Variants in CTCF observed in about 807,000 individuals in gnomAD.
CTCF encodes CCCTC-binding factor, also known as transcriptional repressor CTCF.
A neutral mutation model predicts 72.3 loss-of-function variants in CTCF; 7 were observed. That is an observed-to-expected ratio of 0.10 (90% CI 0.06 to 0.18). The LOEUF (loss-of-function observed/expected upper bound fraction) is 0.18, where lower values mean the gene tolerates loss of function less well. Ranked by LOEUF, CTCF falls within the 10% of genes least tolerant of loss-of-function variation. CTCF has a pLI of 1.00. For synonymous variants in CTCF, 374 were observed against 315.8 expected, an observed-to-expected ratio of 1.18 and a Z score of -1.95; for missense variants, 516 against 949.1, an observed-to-expected ratio of 0.54 and a Z score of 6.00.
chr16:67,585,681 A>G (rs1243246844), intron 2 of CTCF, among the ~76,000 whole-genome samples: 1 of 152,186 alleles, frequency 6.6e-6, no homozygotes, highest in Non-Finnish European at 1.5e-5. Flanking sequence ...AAACTCTAAT[A>G]TAACAAATCT....
At chr16:67,609,786 C>T (rs779553285) in intron 2 of CTCF, among the ~76,000 whole-genome samples, 2 of 152,068 alleles carry the variant, frequency 1.3e-5, no homozygotes, top group Admixed American at 6.6e-5. Context: ...CCACGCCCGG[C>T]TAATTTTTTT....
In CTCF at chr16:67,603,852, G is replaced by A. The variant is rs554834368; in HGVS notation, c.-9-6972G>A. Among the ~76,000 whole-genome samples the A allele has an allele frequency of 1.3e-4, 19 of 150,646 alleles. No individual in the cohort carries two copies. In the South Asian group the frequency reaches 2.3e-3, roughly 18 times the overall value. On this transcript the variant is annotated intron_variant, in intron 2 of 11. Coordinates refer to ENST00000264010, the MANE Select transcript of CTCF (RefSeq NM_006565.4). ...AAAAAAAAAAAAAAATTAGAGGCCA[G>A]GCACGGTGGTTTATGCCTGTAATCC... is the stretch of plus-strand genomic sequence containing the variant.
At chr16:67,594,544 C>T (rs1383844615) in intron 2 of CTCF, among the ~76,000 whole-genome samples, 1 of 151,960 alleles carries the variant, frequency 6.6e-6, no homozygotes, top group African/African-American at 2.4e-5. Context: ...TTCAAAGTTT[C>T]TAAACTTTGC....
intron 2 of CTCF, among the ~76,000 whole-genome samples, chr16:67,594,568 T>C (rs2051787200): frequency 6.6e-6 from 1 of 151,936 alleles, no homozygotes; most frequent in South Asian, 2.1e-4. Context: ...ACTAAAAAAA[T>C]AGTGATGCGT....
chr16:67,591,024 C>A (rs977290990), intron 2 of CTCF, among the ~76,000 whole-genome samples: 1 of 144,108 alleles, frequency 6.9e-6, no homozygotes, highest in Non-Finnish European at 1.5e-5. Flanking sequence ...TGATTACAGG[C>A]GTGAGCCACC....
At chr16:67,637,561 C>T in intron 11 of CTCF, 127 bp from the exon 12 acceptor site, 8 of 722,800 alleles carry the variant, frequency 1.1e-5, no homozygotes, top group Middle Eastern at 3.8e-4. Flanking sequence ...AATTGACTGT[C>T]TCTGGACCGC....
chr16:67,597,050 T>C (rs1404239198), intron 2 of CTCF, among the ~76,000 whole-genome samples: 1 of 152,164 alleles, frequency 6.6e-6, no homozygotes, highest in Admixed American at 6.6e-5. Context: ...TTGTTTCATT[T>C]TGAGACAGGG....
At chr16:67,589,522 A>G (rs2051710855) in intron 2 of CTCF, among the ~76,000 whole-genome samples, 1 of 152,124 alleles carries the variant, frequency 6.6e-6, no homozygotes, top group Admixed American at 6.6e-5. Flanking sequence ...CACTGAAGTC[A>G]TCCTTTATGC....
At chr16:67,622,748 A>T (rs2052218716) in intron 7 of CTCF, among the ~76,000 whole-genome samples, 1 of 144,062 alleles carries the variant, frequency 6.9e-6, no homozygotes, top group Non-Finnish European at 1.5e-5. Flanking sequence ...GGTTCAAGTG[A>T]TTCTCCTGCC....
chr16:67,596,615 C>CG (rs1567601932), intron 2 of CTCF, among the ~76,000 whole-genome samples: 1 of 151,888 alleles, frequency 6.6e-6, no homozygotes, highest in Non-Finnish European at 1.5e-5. Context: ...GACAGAGTCT[C>CG]GCCCTGTCAC....
intron 10 of CTCF, among the ~76,000 whole-genome samples, chr16:67,633,268 T>C (rs1055502631): frequency 9.9e-5 from 15 of 152,198 alleles, no homozygotes; most frequent in African/African-American, 3.6e-4. Flanking sequence ...CAGGTGTCAC[T>C]ATTAAATGGA....
chr16:67,603,111 G>C (rs1183101596), intron 2 of CTCF, among the ~76,000 whole-genome samples: 1 of 152,034 alleles, frequency 6.6e-6, no homozygotes, highest in Non-Finnish European at 1.5e-5. Flanking sequence ...GTAAGATATA[G>C]CTGGGCACGA....
At chr16:67,605,374 C>T (rs986696294) in intron 2 of CTCF, among the ~76,000 whole-genome samples, 1 of 152,176 alleles carries the variant, frequency 6.6e-6, no homozygotes, top group Non-Finnish European at 1.5e-5. Context: ...CCACCTTCTG[C>T]GGTAACATTT....
intron 2 of CTCF, among the ~76,000 whole-genome samples, chr16:67,606,679 C>T (rs1218703452): frequency 6.6e-6 from 1 of 151,230 alleles, no homozygotes; most frequent in East Asian, 1.9e-4. Flanking sequence ...AAAAGTGTGT[C>T]TAATAGAACT....
chr16:67,590,252 T>C (rs918166698), intron 2 of CTCF, among the ~76,000 whole-genome samples: 4 of 152,110 alleles, frequency 2.6e-5, no homozygotes, highest in African/African-American at 9.7e-5. Context: ...AGTTTCACTG[T>C]TGCCATTACA....
intron 2 of CTCF, among the ~76,000 whole-genome samples, chr16:67,580,983 C>T (rs1432976527): frequency 6.6e-6 from 1 of 151,936 alleles, no homozygotes; most frequent in African/African-American, 2.4e-5. Context: ...CGCGGGAGTG[C>T]AGTGGCGCTA....
At chr16:67,606,828 A>G (rs2051980239) in intron 2 of CTCF, among the ~76,000 whole-genome samples, 1 of 144,804 alleles carries the variant, frequency 6.9e-6, no homozygotes, top group Admixed American at 7.2e-5. Context: ...GTGCAGTGGC[A>G]CTCGGCTCAC....
chr16:67,612,145 C>A, intron 4 of CTCF, 24 bp downstream of exon 4: 2 of 1,589,088 alleles, frequency 1.3e-6, no homozygotes, highest in Non-Finnish European at 1.7e-6. Context: ...ATGTTGGGGG[C>A]TACAACAGCA....
At chr16:67,585,648 A>G (rs149410772) in intron 2 of CTCF, among the ~76,000 whole-genome samples, 2 of 152,258 alleles carry the variant, frequency 1.3e-5, no homozygotes, top group East Asian at 3.9e-4. Flanking sequence ...TCCAACCACT[A>G]CTTTTTGTTT....
Sources: gnomAD v4.1 joint callset for allele counts (sites outside exome capture counted in the v4.1 genomes callset) on GRCh38, gnomAD v4.1.1 for gene constraint, MANE v1.5 for transcripts, NCBI Gene and HGNC (gene_info 2026-07-23, HGNC 2026-07-21) for gene names.